SUPT3H: variants seen among roughly 807,000 people sequenced by gnomAD.
The protein encoded by SUPT3H is SPT3 homolog, SAGA and STAGA complex component, also known as transcription initiation protein SPT3 homolog.
In SUPT3H, 44 loss-of-function variants were observed where a neutral mutation model predicts 44.3. The ratio of observed to expected loss-of-function variants is 0.99; its 90% CI spans 0.78 to 1.28. The LOEUF is 1.28. SUPT3H is among the 50% of genes most tolerant of loss of function. SUPT3H has a pLI of 0.00. For missense variants in SUPT3H, 380 were observed against 387.1 expected, an observed-to-expected ratio of 0.98 and a Z score of 0.15; for synonymous variants, 124 against 125.6, an observed-to-expected ratio of 0.99 and a Z score of 0.09.
chr6:45,276,656 A>C (rs1777078255), intron 2 of SUPT3H, among the ~76,000 whole-genome samples: 1 of 152,336 alleles, frequency 6.6e-6, no homozygotes, highest in Middle Eastern at 3.4e-3. Flanking sequence ...AGGCTTTAAA[A>C]TGTATTGCAT....
intron 2 of SUPT3H, among the ~76,000 whole-genome samples, chr6:45,340,480 C>A (rs758537514): frequency 6.6e-6 from 1 of 151,896 alleles, no homozygotes; most frequent in African/African-American, 2.4e-5. Flanking sequence ...CGCACCACCA[C>A]GCCCAGATAA....
chr6:45,046,344 G>A (rs1251100769), intron 3 of SUPT3H, among the ~76,000 whole-genome samples: 1 of 151,282 alleles, frequency 6.6e-6, no homozygotes, highest in South Asian at 2.1e-4. Flanking sequence ...TTGTTTGTTT[G>A]TTTTGAGATG....
At chr6:44,825,527 A>G (rs958357603), downstream of SUPT3H, among the ~76,000 whole-genome samples, 1 of 152,220 alleles carries the variant, frequency 6.6e-6, no homozygotes, top group Non-Finnish European at 1.5e-5. Context: ...GTAATTCTGC[A>G]TAAGACATTT....
intron 3 of SUPT3H, among the ~76,000 whole-genome samples, chr6:45,073,514 A>C (rs1794653821): frequency 6.6e-6 from 1 of 152,050 alleles, no homozygotes; most frequent in South Asian, 2.1e-4. Flanking sequence ...CGAACTGATA[A>C]AATATATTTA....
intron 6 of SUPT3H, among the ~76,000 whole-genome samples, chr6:44,985,260 G>A (rs1207788044): frequency 1.3e-5 from 2 of 150,876 alleles, no homozygotes; most frequent in South Asian, 2.1e-4. Flanking sequence ...AGCCAGGCAT[G>A]GTGGCACGCA....
At chr6:45,317,304 A>T (rs1446260729) in intron 2 of SUPT3H, among the ~76,000 whole-genome samples, 1 of 151,708 alleles carries the variant, frequency 6.6e-6, no homozygotes, top group Admixed American at 6.6e-5. Context: ...GACTGAATGC[A>T]ATCTTTATCT....
At chr6:45,092,416 A>G (rs1719274855) in intron 3 of SUPT3H, among the ~76,000 whole-genome samples, 1 of 152,178 alleles carries the variant, frequency 6.6e-6, no homozygotes, top group South Asian at 2.1e-4. Flanking sequence ...TTTCTAGTTG[A>G]CACATTTATT....
intron 2 of SUPT3H, among the ~76,000 whole-genome samples, chr6:45,207,248 C>T (rs572511695): frequency 5.5e-4 from 84 of 152,208 alleles, no homozygotes; most frequent in African/African-American, 1.9e-3. Flanking sequence ...GGAGGGTGAA[C>T]AACTGTGTCA....
At chr6:45,169,786 A>G (rs553742173) in intron 2 of SUPT3H, among the ~76,000 whole-genome samples, 3 of 152,236 alleles carry the variant, frequency 2.0e-5, no homozygotes, top group Non-Finnish European at 4.4e-5. Context: ...AATATGTTTA[A>G]AATCTCTAAG....
chr6:45,138,014 A>G (rs1016690056), intron 2 of SUPT3H, among the ~76,000 whole-genome samples: 3 of 152,152 alleles, frequency 2.0e-5, no homozygotes, highest in African/African-American at 4.8e-5. Context: ...ATAAAGCTCA[A>G]TAAGAAGATA....
At chr6:44,975,253 C>T (rs1468268359) in intron 6 of SUPT3H, among the ~76,000 whole-genome samples, 1 of 152,134 alleles carries the variant, frequency 6.6e-6, no homozygotes, top group African/African-American at 2.4e-5. Flanking sequence ...TTCACTCTCC[C>T]AGTTTATAAA....
chr6:44,979,010 C>T (rs114175909), intron 6 of SUPT3H, among the ~76,000 whole-genome samples: 2,051 of 152,156 alleles, frequency 0.013, 48 homozygotes, highest in African/African-American at 0.047. Context: ...TCTATTGGTG[C>T]CTTTTAGGTA....
At chr6:45,185,744 T>C (rs990441144) in intron 2 of SUPT3H, among the ~76,000 whole-genome samples, 9 of 152,250 alleles carry the variant, frequency 5.9e-5, no homozygotes, top group Non-Finnish European at 2.9e-5. Context: ...TGAACTGCAA[T>C]TCCTGTATAT....
chr6:45,137,024 T>A (rs1156387990), intron 2 of SUPT3H, among the ~76,000 whole-genome samples: 1 of 152,118 alleles, frequency 6.6e-6, no homozygotes. Context: ...ACTCATTCCA[T>A]ACAAGGGAAT....
chr6:45,100,342 T>C (rs1156725082), intron 3 of SUPT3H, among the ~76,000 whole-genome samples: 3 of 151,320 alleles, frequency 2.0e-5, no homozygotes, highest in Non-Finnish European at 4.4e-5. Flanking sequence ...GGGATTAATA[T>C]CCAAGGAACT....
intron 2 of SUPT3H, among the ~76,000 whole-genome samples, chr6:45,140,280 T>C (rs1804968857): frequency 6.6e-6 from 1 of 152,040 alleles, no homozygotes; most frequent in Non-Finnish European, 1.5e-5. Flanking sequence ...TGGTATTTCT[T>C]TACCCACACC....
rs554034126 is a variant in SUPT3H at position 44,890,749 on chromosome 6, A to G, written c.912+41904T>C. ...ATTGTGCACATGTACCCTAAAACTT[A>G]AAGTATAATAATAATAATAATAAAA... On this transcript the variant is annotated intron_variant, in intron 10 of 10. Coordinates refer to ENST00000371459, the MANE Select transcript of SUPT3H (RefSeq NM_003599.4). Among the ~76,000 whole-genome samples, 6 of 141,374 alleles carry G rather than the reference A, an allele frequency of 4.2e-5. No individual in the cohort carries two copies. The South Asian group carries it at 1.2e-3, about 28-fold the overall frequency. 92.7% of individuals were successfully genotyped at this position (141,374 alleles called of 152,430 possible). A position where few individuals can be genotyped will look rare whatever the true frequency, so the allele number is the denominator to read the frequency against.
intron 9 of SUPT3H, among the ~76,000 whole-genome samples, chr6:44,935,999 C>T (rs1257410587): frequency 6.6e-6 from 1 of 152,216 alleles, no homozygotes; most frequent in Non-Finnish European, 1.5e-5. Context: ...ATTCTTTCCA[C>T]ATCTATAATG....
At chr6:45,019,524 A>G (rs1428060936) in intron 4 of SUPT3H, among the ~76,000 whole-genome samples, 1 of 152,058 alleles carries the variant, frequency 6.6e-6, no homozygotes, top group Non-Finnish European at 1.5e-5. Context: ...TTTTTAAAGT[A>G]ACTGATAATC....
Sources: allele counts gnomAD v4.1 joint callset (sites outside exome capture counted in the v4.1 genomes callset), GRCh38; gene constraint gnomAD v4.1.1; transcripts MANE v1.5; gene names NCBI Gene and HGNC (gene_info 2026-07-23, HGNC 2026-07-21).